Variants in CDK5RAP2 observed in about 807,000 individuals in gnomAD.
CDK5RAP2 encodes the protein CDK5 regulatory subunit-associated protein 2.
Under a neutral mutation model 232.9 loss-of-function variants are expected in CDK5RAP2, and 147 were observed. The observed-to-expected ratio is 0.63, with a 90% CI of 0.55 to 0.72. The LOEUF is 0.72. Among genes scored for constraint, CDK5RAP2 ranks in the 30% least tolerant of loss-of-function variants. CDK5RAP2 has a pLI of 0.00. For missense variants in CDK5RAP2, 2,195 were observed against 2,231.5 expected (o/e 0.98, Z 0.33); for synonymous variants, 833 against 833.7 (o/e 1.00, Z 0.01).
chr9:120,534,668 T>C (rs2041306964), intron 7 of CDK5RAP2, among the ~76,000 whole-genome samples: 2 of 152,308 alleles, frequency 1.3e-5, no homozygotes, highest in South Asian at 4.1e-4. Context: ...CAGAGGGCCT[T>C]TTCTATTCAT....
intron 28 of CDK5RAP2, among the ~76,000 whole-genome samples, chr9:120,412,273 G>C (rs2033896824): frequency 6.6e-6 from 1 of 152,218 alleles, no homozygotes; most frequent in African/African-American, 2.4e-5. Flanking sequence ...AGTGCCTACT[G>C]TGTGCAAGGT....
chr9:120,565,044 A>G (rs149184960), intron 3 of CDK5RAP2, among the ~76,000 whole-genome samples: 1 of 152,342 alleles, frequency 6.6e-6, no homozygotes, highest in East Asian at 1.9e-4. Flanking sequence ...ATATTAGACA[A>G]TGGATTACCA....
At chr9:120,507,325 C>A (rs1298869044) in intron 12 of CDK5RAP2, among the ~76,000 whole-genome samples, 1 of 152,150 alleles carries the variant, frequency 6.6e-6, no homozygotes, top group Non-Finnish European at 1.5e-5. Flanking sequence ...GACGTCTGTA[C>A]CTTAATTATA....
chr9:120,554,784 C>T (rs2042165255), intron 3 of CDK5RAP2, among the ~76,000 whole-genome samples: 1 of 152,030 alleles, frequency 6.6e-6, no homozygotes, highest in African/African-American at 2.4e-5. Context: ...CAGGCATGTG[C>T]CACCATGCCC....
At chr9:120,410,420 G>A (rs185041341) in intron 29 of CDK5RAP2, among the ~76,000 whole-genome samples, 3 of 152,160 alleles carry the variant, frequency 2.0e-5, no homozygotes, top group East Asian at 1.9e-4. Flanking sequence ...CTCATCCTCC[G>A]TTCTTGAAGG....
At chr9:120,454,003 C>T (rs543727369) in intron 20 of CDK5RAP2, 130 bp from the exon 21 acceptor site, 158 of 897,372 alleles carry the variant, frequency 1.8e-4, no homozygotes, top group Non-Finnish European at 2.6e-4. Context: ...AGTGTGTACC[C>T]ACAACGTGCC....
rs201849065 is a variant in CDK5RAP2, at chr9:120,439,760, T to C, written c.3361A>G (p.Thr1121Ala). The C allele has an allele frequency of 1.0e-4, 163 of 1,614,160 alleles. 1 individual carries two copies. The East Asian group carries it at 2.6e-3, about 26-fold the overall frequency. The change falls in exon 24 of 38, where the codon ACT (threonine) becomes GCT (alanine). Residue 1121 changes from threonine (T) to alanine (A), a missense_variant. Thr to Ala is a moderately conservative substitution (Grantham distance 58). Transcript: ENST00000349780. ...YLKQKIHDLE[T>A]ELEGYQNFIF... Reference sequence around the variant, plus strand: ...AAATTCTGGTAGCCTTCCAGCTCAGTTTCCAAGTCATGGATTTTCTGTTTT... The same window carrying C: ...AAATTCTGGTAGCCTTCCAGCTCAGCTTCCAAGTCATGGATTTTCTGTTTT...
In CDK5RAP2 at chr9:120,530,152, C is replaced by T; in HGVS notation, c.663-12G>A. 2 of 1,607,938 alleles carry T rather than the reference C, an allele frequency of 1.2e-6. No individual in the cohort carries two copies. The highest frequency in any genetic ancestry group is 8.5e-7 in the Non-Finnish European group (1 of 1,176,132). ...ACTCCTCAATCAGTCTAAAAGAGAA[C>T]AAAATTTAAATATTAATTCTAAGCT... On this transcript the variant is annotated splice_polypyrimidine_tract_variant and intron_variant, in intron 7 of 37. Coordinates refer to ENST00000349780, the MANE Select transcript of CDK5RAP2 (RefSeq NM_018249.6).
At position 120,578,961 on chromosome 9, in the gene CDK5RAP2, T is replaced by C. The variant is rs188282371; in HGVS notation, c.59+959A>G. Among the ~76,000 whole-genome samples, 25 of 152,332 alleles carry C rather than the reference T, an allele frequency of 1.6e-4. 1 individual carries two copies. In the East Asian group the frequency reaches 4.8e-3, roughly 29 times the overall value. ...ACTAAAAGCAGCAGCTTGTCCATAG[T>C]AGAGCTGGATAAACAGTGCAGGTTC... On this transcript the variant is annotated intron_variant, in intron 1 of 37. Transcript: ENST00000349780.
chr9:120,453,954 C>A, intron 20 of CDK5RAP2, 81 bp from the exon 21 acceptor site: 1 of 1,393,558 alleles, frequency 7.2e-7, no homozygotes, highest in Non-Finnish European at 1.0e-6. Context: ...CCAAGTTATC[C>A]CCACCTACTG....
intron 4 of CDK5RAP2, among the ~76,000 whole-genome samples, chr9:120,548,895 G>A (rs190649280): frequency 1.2e-4 from 19 of 152,232 alleles, no homozygotes; most frequent in East Asian, 1.9e-4. Flanking sequence ...AGTGCCTCAC[G>A]CCTATAATCC....
chr9:120,434,118 CAG>C (rs2035438472), intron 25 of CDK5RAP2, among the ~76,000 whole-genome samples: 1 of 152,038 alleles, frequency 6.6e-6, no homozygotes, highest in Non-Finnish European at 1.5e-5. Context: ...GAAAATAACA[CAG>C]GGTAAGGGAA....
intron 25 of CDK5RAP2, among the ~76,000 whole-genome samples, chr9:120,436,052 T>G (rs2035558527): frequency 6.6e-6 from 1 of 152,228 alleles, no homozygotes; most frequent in Admixed American, 6.5e-5. Flanking sequence ...TACAAATTAT[T>G]CATTACACAG....
chr9:120,520,796 TATATCTCATGAG>T (rs2040603444), intron 11 of CDK5RAP2, among the ~76,000 whole-genome samples: 2 of 149,130 alleles, frequency 1.3e-5, no homozygotes, highest in Non-Finnish European at 3.0e-5. Context: ...ATATATCTCA[TATATCTCATGAG>T]ATATATCTCA....
At chr9:120,509,194 G>A (rs956055925) in intron 12 of CDK5RAP2, among the ~76,000 whole-genome samples, 2 of 152,210 alleles carry the variant, frequency 1.3e-5, no homozygotes, top group African/African-American at 4.8e-5. Flanking sequence ...TCAGAGGAGA[G>A]GTTACTATTG....
intron 12 of CDK5RAP2, among the ~76,000 whole-genome samples, chr9:120,507,925 AAAAAAAAAAAAAAAAAAAT>A (rs1198389784): frequency 4.4e-5 from 3 of 67,926 alleles, no homozygotes; most frequent in African/African-American, 1.4e-4. Flanking sequence ...AAAAAAAAAA[AAAAAAAAAAAAAAAAAAAT>A]ATATATATAT....
In CDK5RAP2 at chr9:120,528,031, C is replaced by G. The variant is rs2040983890; in HGVS notation, c.880-106G>C. On this transcript the variant is annotated intron_variant, in intron 9 of 37. Transcript: ENST00000349780. ...TCAAATGCAGTTATTCTATCTTATT[C>G]CTGTCAACCTGTGATTAATGTTTCC... 2.1e-6 allele frequency: 3 copies of G among 1,411,936 alleles called. No homozygotes were observed. The African/African-American group carries it at 4.2e-5, about 20-fold the overall frequency. 87.5% of individuals were successfully genotyped at this position (1,411,936 alleles called of 1,614,324 possible). A position where few individuals can be genotyped will look rare whatever the true frequency, so the allele number is the denominator to read the frequency against.
chr9:120,453,295 G>C (rs932296403), intron 21 of CDK5RAP2, among the ~76,000 whole-genome samples, 161 bp downstream of exon 21: 1 of 152,142 alleles, frequency 6.6e-6, no homozygotes, highest in South Asian at 2.1e-4. Context: ...AGGTCAGTGA[G>C]GACATGCAGC....
chr9:120,466,690 A>C (rs2037396882), intron 18 of CDK5RAP2, among the ~76,000 whole-genome samples: 1 of 152,204 alleles, frequency 6.6e-6, no homozygotes, highest in Non-Finnish European at 1.5e-5. Flanking sequence ...TTTCAAAATT[A>C]TCTAGAGTCC....
Sources: allele counts gnomAD v4.1 joint callset (sites outside exome capture counted in the v4.1 genomes callset), GRCh38; gene constraint gnomAD v4.1.1; transcripts MANE v1.5; gene names NCBI Gene and HGNC (gene_info 2026-07-23, HGNC 2026-07-21).